Variants in KSR2 observed in about 807,000 individuals in gnomAD.
The protein encoded by KSR2 is kinase suppressor of ras 2.
Under a neutral mutation model 107.8 loss-of-function variants are expected in KSR2, and 25 were observed. The ratio of observed to expected loss-of-function variants is 0.23; its 90% CI spans 0.17 to 0.32. The LOEUF (loss-of-function observed/expected upper bound fraction) is 0.32, where lower values mean the gene tolerates loss of function less well. KSR2 is among the 10% of genes least tolerant of loss of function. The pLI is 1.00. For synonymous variants in KSR2, 480 were observed against 507.0 expected (o/e 0.95, Z 0.71); for missense variants, 887 against 1,268.9 (o/e 0.70, Z 4.57).
intron 3 of KSR2, among the ~76,000 whole-genome samples, chr12:117,781,997 T>C (rs900283376): frequency 5.3e-5 from 8 of 152,358 alleles, no homozygotes; most frequent in East Asian, 1.9e-4. Flanking sequence ...GAGATGTTCA[T>C]GCTTAACATC....
rs569603415 is a variant in KSR2 at position 117,751,178 on chromosome 12, T to C, written c.986+9833A>G. 5.0e-4 allele frequency among the ~76,000 whole-genome samples: 76 copies of C among 152,310 alleles called. 1 individual carries two copies. In the South Asian group the frequency reaches 7.7e-3, roughly 15 times the overall value. On this transcript the variant is annotated intron_variant, in intron 4 of 19. Transcript: ENST00000339824. ...TTTATAAAGGGCTTTTCCCCACCTT[T>C]GCTCTGCACTTCTCCTTGCTGCCGC...
intron 3 of KSR2, among the ~76,000 whole-genome samples, chr12:117,818,375 G>C (rs558265881): frequency 6.6e-6 from 1 of 152,126 alleles, no homozygotes; most frequent in African/African-American, 2.4e-5. Flanking sequence ...GGCACGTTGT[G>C]TGCCCTAGGG....
Position 117,463,995 on chromosome 12 carries a change from G to A in KSR2, c.*3204C>T, listed in dbSNP as rs1404823363. On this transcript the variant is annotated 3_prime_UTR_variant, in exon 20 of 20. Transcript: ENST00000339824. ...GTGAGGATGGGGGGGTCCATGGCAA[G>A]ATGAAAATTTTCTCTTTGATCAGTA... is the stretch of plus-strand genomic sequence containing the variant. The A allele has an allele frequency of 6.6e-6, 1 of 152,232 alleles. No homozygotes were observed. The highest frequency in any genetic ancestry group is 2.4e-5 in the African/African-American group (1 of 41,404). 9.4% of individuals were successfully genotyped at this position (152,232 alleles called of 1,614,324 possible). A position where few individuals can be genotyped will look rare whatever the true frequency, so the allele number is the denominator to read the frequency against.
At chr12:117,903,704 T>C (rs1894757832) in intron 1 of KSR2, among the ~76,000 whole-genome samples, 1 of 152,220 alleles carries the variant, frequency 6.6e-6, no homozygotes, top group Non-Finnish European at 1.5e-5. Flanking sequence ...AATATGTACA[T>C]TTAAAAAATA....
intron 3 of KSR2, among the ~76,000 whole-genome samples, chr12:117,776,413 AC>A (rs1384528868): frequency 1.3e-5 from 2 of 152,246 alleles, no homozygotes; most frequent in Admixed American, 1.3e-4. Flanking sequence ...AATAAAATAA[AC>A]CCTATCTTAG....
chr12:117,858,637 C>G (rs1593311988), intron 2 of KSR2, among the ~76,000 whole-genome samples: 1 of 152,182 alleles, frequency 6.6e-6, no homozygotes, highest in African/African-American at 2.4e-5. Flanking sequence ...GGCAGGGAGG[C>G]AAGCTCCTCT....
chr12:117,460,089 T>C lies in KSR2; in HGVS notation c.*7110A>G, dbSNP rs756648287. ...CCTAAGCATTTCCAATGCATGCTTGTCCCAGGACCCTTTCAATAATGCAAA... is the reference window on the plus strand; with the variant it reads ...CCTAAGCATTTCCAATGCATGCTTGCCCCAGGACCCTTTCAATAATGCAAA... On this transcript the variant is annotated 3_prime_UTR_variant, in exon 20 of 20. Coordinates refer to ENST00000339824, the MANE Select transcript of KSR2 (RefSeq NM_173598.6). 6.6e-6 allele frequency: 1 copy of C among 152,228 alleles called. No individual in the cohort carries two copies. The highest frequency in any genetic ancestry group is 2.4e-5 in the African/African-American group (1 of 41,462). The allele number at this position is 152,228 out of a possible 1,614,324, so 9.4% of individuals were successfully genotyped here.
chr12:117,861,377 G>A (rs113269938), intron 1 of KSR2, among the ~76,000 whole-genome samples: 18,323 of 115,946 alleles, frequency 0.16, 1,519 homozygotes, highest in Middle Eastern at 0.24. Flanking sequence ...CTCCCAATTC[G>A]CTTTTTTTTT....
chr12:117,485,647 T>G lies in KSR2; in HGVS notation c.2264A>C (p.Lys755Thr). 1 of 1,613,652 alleles carries G rather than the reference T, an allele frequency of 6.2e-7. No individual in the cohort carries two copies. The highest frequency in any genetic ancestry group is 8.5e-7 in the Non-Finnish European group (1 of 1,179,626). ...RTLYSVVRDA[K>T]IVLDVNKTRQ... The stretch of plus-strand genomic sequence containing the variant: ...GGTTTTGTTGACATCCAAAACGATT[T>G]TGGCATCCCTCACAACGGAATAGAG... The change falls in exon 15 of 20, where the codon AAA becomes ACA. Residue 755 changes from lysine to threonine, a missense_variant. By Grantham distance (78) the Lys-to-Thr change is moderately conservative. Transcript: ENST00000339824.
At chr12:117,510,873 G>A (rs564598834) in intron 14 of KSR2, among the ~76,000 whole-genome samples, 1 of 89,510 alleles carries the variant, frequency 1.1e-5, no homozygotes, top group Non-Finnish European at 2.0e-5. Context: ...CTGAGACCCT[G>A]TCTCAAAAAA....
At chr12:117,949,386 C>T (rs1322400297) in intron 1 of KSR2, among the ~76,000 whole-genome samples, 1 of 151,200 alleles carries the variant, frequency 6.6e-6, no homozygotes, top group Non-Finnish European at 1.5e-5. Flanking sequence ...ATCCAGGATA[C>T]ATAAATAACT....
chr12:117,468,104 T>C (rs896301640), intron 19 of KSR2, among the ~76,000 whole-genome samples: 2 of 152,198 alleles, frequency 1.3e-5, no homozygotes, highest in Non-Finnish European at 2.9e-5. Flanking sequence ...TTTTTGCTTG[T>C]TAAAGCTTCC....
intron 1 of KSR2, among the ~76,000 whole-genome samples, chr12:117,940,108 G>A (rs959300661): frequency 2.0e-5 from 3 of 152,144 alleles, no homozygotes; most frequent in African/African-American, 4.8e-5. Flanking sequence ...ACAAAGGCTC[G>A]GTCATATTCC....
At chr12:117,877,124 G>A (rs1022077022) in intron 1 of KSR2, among the ~76,000 whole-genome samples, 11 of 152,152 alleles carry the variant, frequency 7.2e-5, no homozygotes, top group African/African-American at 2.4e-4. Context: ...ATCACTTGAG[G>A]TCAGGAGTTC....
In KSR2 at chr12:117,787,489, C is replaced by A. The variant is rs1423665113; in HGVS notation, c.473-25965G>T. Among the ~76,000 whole-genome samples, 6 of 151,964 alleles carry A rather than the reference C, an allele frequency of 3.9e-5. No individual in the cohort carries two copies. The East Asian group carries it at 1.2e-3, about 29-fold the overall frequency. On this transcript the variant is annotated intron_variant, in intron 3 of 19. Transcript: ENST00000339824. ...CTCTACTACAGATACAAAAATTAGC[C>A]GAGCACAGCGGCACATGCCTGTAAT...
chr12:117,717,109 A>G (rs1887015326), intron 4 of KSR2, among the ~76,000 whole-genome samples: 1 of 152,220 alleles, frequency 6.6e-6, no homozygotes, highest in Admixed American at 6.5e-5. Flanking sequence ...TTGGTGTGTG[A>G]TCCACTCTCC....
chr12:117,898,170 G>A (rs559866858), intron 1 of KSR2, among the ~76,000 whole-genome samples: 29 of 152,204 alleles, frequency 1.9e-4, no homozygotes, highest in African/African-American at 5.3e-4. Flanking sequence ...CACTTACAGC[G>A]AATGGTCAAA....
rs988885864 is a variant in KSR2 at position 117,461,677 on chromosome 12, G to C, written c.*5522C>G. On this transcript the variant is annotated 3_prime_UTR_variant, in exon 20 of 20. Transcript: ENST00000339824. ...AGGTTCACTGCGGCTCCACATTCCA[G>C]GACCCAGACTGACATTTGCTGCCTG... 6 of 179,422 alleles carry C rather than the reference G, an allele frequency of 3.3e-5. No individual in the cohort carries two copies. The highest frequency in any genetic ancestry group is 1.4e-4 in the African/African-American group (6 of 42,286). The allele number at this position is 179,422 out of a possible 1,614,324, so 11.1% of individuals were successfully genotyped here.
At chr12:117,713,746 TG>T (rs1886879612) in intron 4 of KSR2, among the ~76,000 whole-genome samples, 1 of 152,226 alleles carries the variant, frequency 6.6e-6, no homozygotes, top group Non-Finnish European at 1.5e-5. Flanking sequence ...TCCTGTTTTC[TG>T]TCAGCCCTAA....
Sources: gnomAD v4.1 joint callset for allele counts (sites outside exome capture counted in the v4.1 genomes callset) on GRCh38, gnomAD v4.1.1 for gene constraint, MANE v1.5 for transcripts, NCBI Gene and HGNC (gene_info 2026-07-23, HGNC 2026-07-21) for gene names.